NEK10: variants seen among roughly 807,000 people sequenced by gnomAD.
NEK10 encodes the protein serine/threonine-protein kinase Nek10.
In NEK10, 122 loss-of-function variants were observed where a neutral mutation model predicts 159.8. The ratio of observed to expected loss-of-function variants is 0.76; its 90% CI spans 0.66 to 0.89. NEK10 has a LOEUF of 0.89. Among genes scored for constraint, NEK10 ranks in the 40% least tolerant of loss-of-function variants. The pLI, the probability that NEK10 is intolerant of heterozygous loss-of-function variation, is 0.00. For synonymous variants in NEK10, 466 were observed against 457.1 expected, an observed-to-expected ratio of 1.02 and a Z score of -0.25; for missense variants, 1,342 against 1,323.1, an observed-to-expected ratio of 1.01 and a Z score of -0.22.
At chr3:27,364,348 TTGTGTGTGTGTGTGTGTGTG>T (rs4016621) in intron 1 of NEK10, among the ~76,000 whole-genome samples, 5,740 of 120,628 alleles carry the variant, frequency 0.048, 279 homozygotes, top group African/African-American at 0.12. Context: ...GCCTGGCTAA[TTGTGTGTGTGTGTGTGTGTG>T]TGTGTGTGTG....
At chr3:27,255,387 CATGAAAGGACTTTGT>C (rs1339806345) in intron 23 of NEK10, 1 of 265,234 alleles carries the variant, frequency 3.8e-6, no homozygotes, top group Middle Eastern at 4.3e-4. Context: ...AACACTTCTG[CATGAAAGGACTTTGT>C]AAAATTAGGC....
intron 26 of NEK10, among the ~76,000 whole-genome samples, chr3:27,188,811 C>G (rs1275911474): frequency 1.3e-5 from 2 of 152,130 alleles, no homozygotes; most frequent in African/African-American, 4.8e-5. Flanking sequence ...CAGGTTTTGT[C>G]AGGCTGAATT....
chr3:27,284,903 G>T lies in NEK10; in HGVS notation c.1848C>A (p.Phe616Leu). The T allele has an allele frequency of 6.2e-7, 1 of 1,600,138 alleles. No homozygotes were observed. The change falls in exon 21 of 36, where the codon TTC becomes TTA. Residue 616 changes from phenylalanine to leucine, a missense_variant. Phe to Leu is a conservative substitution (Grantham distance 22). Transcript: ENST00000691995. ...GGTGATGTTTTTCCTTCAAAGAACT[G>T]AAATGCTCTCCAAGCGGGGCTCCTT... ...LIEGAPLGEH[F>L]SSLKEKHHHF...
At chr3:27,305,318 C>T (rs1575665779) in intron 11 of NEK10, among the ~76,000 whole-genome samples, 2 of 152,176 alleles carry the variant, frequency 1.3e-5, no homozygotes, top group East Asian at 1.9e-4. Context: ...GACCACTGTT[C>T]TAAATTATAG....
rs1451792925 is a variant in NEK10, at chr3:27,250,066, C to T, written c.2090+6230G>A. Among the ~76,000 whole-genome samples, 152 of 152,088 alleles carry T rather than the reference C, an allele frequency of 1.0e-3. 3 individuals carry two copies. The highest frequency in any genetic ancestry group is 9.9e-3 in the Admixed American group (151 of 15,272). The stretch of plus-strand genomic sequence containing the variant: ...TTGTTTCTCTTTATATGTTATTGTG[C>T]TATGTCTTGAAAAGTTGTTGTAGTT... On this transcript the variant is annotated intron_variant, in intron 23 of 35. Coordinates refer to ENST00000691995, the MANE Select transcript of NEK10 (RefSeq NM_001394966.1).
chr3:27,211,032 A>G (rs974938231), intron 23 of NEK10, among the ~76,000 whole-genome samples: 1 of 152,234 alleles, frequency 6.6e-6, no homozygotes, highest in African/African-American at 2.4e-5. Context: ...AGAGACTGAC[A>G]CTGCATTATG....
intron 28 of NEK10, among the ~76,000 whole-genome samples, chr3:27,173,768 T>A (rs2148878415): frequency 6.6e-6 from 1 of 152,278 alleles, no homozygotes; most frequent in South Asian, 2.1e-4. Context: ...TTTAAAAAAA[T>A]TGTTTCCCTT....
chr3:27,156,945 T>G (rs1452162368), intron 30 of NEK10, among the ~76,000 whole-genome samples: 2 of 101,520 alleles, frequency 2.0e-5, no homozygotes, highest in African/African-American at 7.9e-5. Context: ...TATATATATA[T>G]ATATATATAT....
intron 25 of NEK10, among the ~76,000 whole-genome samples, chr3:27,198,442 A>T (rs1160776951): frequency 6.6e-6 from 1 of 152,088 alleles, no homozygotes; most frequent in Non-Finnish European, 1.5e-5. Context: ...AGACACATAG[A>T]CCAATGGAAC....
At chr3:27,217,326 A>C (rs1437235705) in intron 23 of NEK10, among the ~76,000 whole-genome samples, 3 of 152,204 alleles carry the variant, frequency 2.0e-5, no homozygotes, top group Non-Finnish European at 2.9e-5. Flanking sequence ...AAAAAGTTTT[A>C]AGTGGCGCAC....
intron 23 of NEK10, among the ~76,000 whole-genome samples, chr3:27,249,189 C>T (rs557290030): frequency 2.0e-5 from 3 of 152,158 alleles, no homozygotes; most frequent in Admixed American, 2.0e-4. Context: ...AAAGAAGGAG[C>T]CTTGCTTCCC....
At chr3:27,167,279 A>G (rs1404866757) in intron 29 of NEK10, among the ~76,000 whole-genome samples, 1 of 152,236 alleles carries the variant, frequency 6.6e-6, no homozygotes, top group Non-Finnish European at 1.5e-5. Context: ...AGTCACAGTC[A>G]TTCATCTATT....
intron 32 of NEK10, among the ~76,000 whole-genome samples, chr3:27,124,606 C>A (rs868417299): frequency 6.6e-6 from 1 of 152,270 alleles, no homozygotes; most frequent in East Asian, 1.9e-4. Flanking sequence ...AAGGTCAGAA[C>A]CTTAGTGACT....
chr3:27,362,381 G>C (rs895665985), intron 1 of NEK10, among the ~76,000 whole-genome samples: 7 of 152,072 alleles, frequency 4.6e-5, no homozygotes, highest in African/African-American at 1.7e-4. Context: ...GCTATTCTTG[G>C]AAATGTAAAA....
chr3:27,266,562 C>T (rs546545830), intron 22 of NEK10, among the ~76,000 whole-genome samples: 1 of 152,306 alleles, frequency 6.6e-6, no homozygotes, highest in Admixed American at 6.5e-5. Flanking sequence ...ACCCAAACAA[C>T]TCCTCCTTGG....
intron 7 of NEK10, among the ~76,000 whole-genome samples, chr3:27,312,731 T>C (rs1339114809): frequency 6.6e-6 from 1 of 152,178 alleles, no homozygotes; most frequent in Non-Finnish European, 1.5e-5. Context: ...TAATTTCTAA[T>C]ATTATAATGG....
rs114882879 is a variant in NEK10, at chr3:27,342,295, T to C, written c.362+1977A>G. 1.8e-3 allele frequency among the ~76,000 whole-genome samples: 271 copies of C among 152,240 alleles called. 1 individual carries two copies. Among genetic ancestry groups the C allele is most frequent in the Non-Finnish European group, 2.5e-3 (172 of 67,986 alleles). The stretch of plus-strand genomic sequence containing the variant: ...AAGGTCCTGAGGTGTAATTCTTCTA[T>C]AAGTCTAAAGTTAGAAGGGAAGAAA... On this transcript the variant is annotated intron_variant, in intron 5 of 35. Coordinates refer to ENST00000691995, the MANE Select transcript of NEK10 (RefSeq NM_001394966.1).
chr3:27,217,191 A>G (rs1349595160), intron 23 of NEK10, among the ~76,000 whole-genome samples: 1 of 152,168 alleles, frequency 6.6e-6, no homozygotes, highest in East Asian at 1.9e-4. Flanking sequence ...ATTTAACCCT[A>G]CATATCATGA....
chr3:27,222,357 C>T (rs532681804), intron 23 of NEK10, among the ~76,000 whole-genome samples: 6 of 152,136 alleles, frequency 3.9e-5, no homozygotes, highest in African/African-American at 7.2e-5. Flanking sequence ...TGGGCGACAG[C>T]GAGACTCCGT....
Sources: allele counts gnomAD v4.1 joint callset (sites outside exome capture counted in the v4.1 genomes callset), GRCh38; gene constraint gnomAD v4.1.1; transcripts MANE v1.5; gene names NCBI Gene and HGNC (gene_info 2026-07-23, HGNC 2026-07-21).